The following TENM2 variants were observed in gnomAD, a reference collection of about 807,000 sequenced individuals.
The protein encoded by TENM2 is teneurin-2.
Under a neutral mutation model 245.2 loss-of-function variants are expected in TENM2, and 52 were observed. The ratio of observed to expected loss-of-function variants is 0.21; its 90% CI spans 0.17 to 0.27. The LOEUF (loss-of-function observed/expected upper bound fraction) is 0.27, where lower values mean the gene tolerates loss of function less well. Among genes scored for constraint, TENM2 ranks in the 10% least tolerant of loss-of-function variants. The probability of loss-of-function intolerance (pLI) is 1.00; values close to 1 mark genes in which losing one functional copy is unlikely to be tolerated. For synonymous variants in TENM2, 1,363 were observed against 1,438.9 expected (o/e 0.95, Z 1.19); for missense variants, 3,046 against 3,666.8 (o/e 0.83, Z 4.37).
the TENM2 span, among the ~76,000 whole-genome samples, chr5:167,170,765 G>A: frequency 2.2e-4 from 33 of 152,216 alleles, no homozygotes; most frequent in African/African-American, 7.5e-4. Context: ...AGCAGCGTTC[G>A]TCAAAGTCCA....
At chr5:167,048,834 G>A in the TENM2 span, among the ~76,000 whole-genome samples, 1 of 152,156 alleles carries the variant, frequency 6.6e-6, no homozygotes, top group Non-Finnish European at 1.5e-5. Flanking sequence ...ACCAGAAGAT[G>A]TCTGAGGTCT....
At chr5:167,726,560 G>A (rs554576713) in intron 2 of TENM2, among the ~76,000 whole-genome samples, 38 of 152,260 alleles carry the variant, frequency 2.5e-4, no homozygotes, top group Non-Finnish European at 4.4e-4. Flanking sequence ...CCAATCTCAA[G>A]CGATCTTCCT....
At chr5:167,315,478 A>G (rs1193440016) in intron 1 of TENM2, among the ~76,000 whole-genome samples, 2 of 152,182 alleles carry the variant, frequency 1.3e-5, no homozygotes, top group Non-Finnish European at 2.9e-5. Context: ...TTCTTTTAGC[A>G]GATTTTGGAG....
At chr5:168,127,655 A>G (rs764244112) in intron 12 of TENM2, among the ~76,000 whole-genome samples, 4 of 152,158 alleles carry the variant, frequency 2.6e-5, no homozygotes, top group South Asian at 4.1e-4. Flanking sequence ...GATTAAACGT[A>G]CCTAATCATC....
intron 2 of TENM2, among the ~76,000 whole-genome samples, chr5:167,713,780 C>T (rs962518632): frequency 3.3e-5 from 5 of 152,230 alleles, no homozygotes; most frequent in Admixed American, 1.3e-4. Flanking sequence ...CACATACACA[C>T]GTAGACCTGA....
intron 2 of TENM2, among the ~76,000 whole-genome samples, chr5:167,704,589 T>C (rs1231691525): frequency 2.0e-5 from 3 of 151,976 alleles, no homozygotes; most frequent in Non-Finnish European, 2.9e-5. Context: ...TGGGATTGAG[T>C]ACAGAAATAG....
the TENM2 span, among the ~76,000 whole-genome samples, chr5:167,000,616 T>G: frequency 6.6e-6 from 1 of 152,172 alleles, no homozygotes; most frequent in Non-Finnish European, 1.5e-5. Flanking sequence ...ATATATTTAT[T>G]CTGGTCTGAT....
chr5:167,468,156 T>G (rs1376700772), intron 2 of TENM2, among the ~76,000 whole-genome samples: 1 of 152,100 alleles, frequency 6.6e-6, no homozygotes, highest in Non-Finnish European at 1.5e-5. Flanking sequence ...AGGCTGGTCT[T>G]GAACTCCTGA....
Position 168,099,754 on chromosome 5 carries a change from C to T in TENM2, c.1813+1627C>T, listed in dbSNP as rs1292005387. Among the ~76,000 whole-genome samples, 4 of 152,196 alleles carry T rather than the reference C, an allele frequency of 2.6e-5. No homozygotes were observed. In the South Asian group the frequency reaches 6.2e-4, roughly 24 times the overall value. Reference sequence around the variant, plus strand: ...ATTTCAAAGATGTGAGGGTTCCAGGCTTACGAATGCTGATAAGTGAAGGGG... The same window carrying T: ...ATTTCAAAGATGTGAGGGTTCCAGGTTTACGAATGCTGATAAGTGAAGGGG... On this transcript the variant is annotated intron_variant, in intron 9 of 28. Coordinates refer to ENST00000518659, the Ensembl canonical transcript of TENM2.
the TENM2 span, among the ~76,000 whole-genome samples, chr5:167,265,786 G>A: frequency 3.9e-5 from 6 of 152,056 alleles, no homozygotes; most frequent in South Asian, 8.3e-4. Flanking sequence ...CACATGTTAC[G>A]GTTCCAGCTA....
intron 2 of TENM2, among the ~76,000 whole-genome samples, chr5:167,536,692 G>T (rs575027495): frequency 2.6e-5 from 4 of 152,056 alleles, no homozygotes; most frequent in Non-Finnish European, 5.9e-5. Context: ...TCAGACTTAC[G>T]GTTGATGAGA....
the TENM2 span, among the ~76,000 whole-genome samples, chr5:166,996,111 A>T: frequency 2.0e-5 from 3 of 152,102 alleles, no homozygotes; most frequent in Non-Finnish European, 4.4e-5. Flanking sequence ...TGGGAGGCCG[A>T]GGCGGACAGA....
intron 10 of TENM2, among the ~76,000 whole-genome samples, chr5:168,119,981 C>G (rs901243001): frequency 5.9e-5 from 9 of 152,144 alleles, no homozygotes; most frequent in African/African-American, 1.9e-4. Context: ...TCCCAACAAC[C>G]AATGGATCTC....
At chr5:168,200,161 C>T in intron 17 of TENM2, 30 bp downstream of exon 19, 1 of 1,594,324 alleles carries the variant, frequency 6.3e-7, no homozygotes, top group East Asian at 2.2e-5. Flanking sequence ...ACTTATTGAT[C>T]AATGGATTTA....
intron 2 of TENM2, among the ~76,000 whole-genome samples, chr5:167,545,537 G>A (rs1402360410): frequency 3.9e-5 from 6 of 152,100 alleles, no homozygotes; most frequent in African/African-American, 9.7e-5. Context: ...TAAAATAATC[G>A]TGGTTAATTT....
chr5:167,003,799 G>A, the TENM2 span, among the ~76,000 whole-genome samples: 1 of 152,136 alleles, frequency 6.6e-6, no homozygotes, highest in Admixed American at 6.5e-5. Context: ...GGAACTCATT[G>A]TACATTAGAA....
intron 3 of TENM2, among the ~76,000 whole-genome samples, chr5:167,907,008 G>A (rs1381142775): frequency 1.3e-5 from 2 of 152,142 alleles, no homozygotes; most frequent in African/African-American, 2.4e-5. Context: ...TGAGGCAGGC[G>A]GATCACCTGA....
chr5:167,363,249 A>T (rs1209903783), intron 1 of TENM2, among the ~76,000 whole-genome samples: 1 of 152,226 alleles, frequency 6.6e-6, no homozygotes, highest in Non-Finnish European at 1.5e-5. Context: ...GCTTAGAGCA[A>T]CAAGGACATG....
chr5:168,257,141 G>A (rs966303385), intron 27 of TENM2, among the ~76,000 whole-genome samples: 4 of 152,164 alleles, frequency 2.6e-5, no homozygotes, highest in Non-Finnish European at 5.9e-5. Flanking sequence ...GGTGGAGCTT[G>A]CCTTCACCAG....
Sources: allele counts gnomAD v4.1 joint callset (sites outside exome capture counted in the v4.1 genomes callset), GRCh38; gene constraint gnomAD v4.1.1; transcripts MANE v1.5; gene names NCBI Gene and HGNC (gene_info 2026-07-23, HGNC 2026-07-21).